Variants in NEK9 observed in about 807,000 individuals in gnomAD.
NEK9 encodes the protein NIMA related kinase 9, also known as serine/threonine-protein kinase Nek9.
A neutral mutation model predicts 123.4 loss-of-function variants in NEK9; 75 were observed. The observed-to-expected ratio is 0.61, with a 90% CI of 0.50 to 0.74. NEK9 has a LOEUF of 0.74. Ranked by LOEUF, NEK9 falls within the 30% of genes least tolerant of loss-of-function variation. The pLI, the probability that NEK9 is intolerant of heterozygous loss-of-function variation, is 0.00. For missense variants in NEK9, 952 were observed against 1,214.4 expected (o/e 0.78, Z 3.21); for synonymous variants, 438 against 458.7 (o/e 0.95, Z 0.58).
chr14:75,100,184 C>T (rs1314799229), intron 16 of NEK9, among the ~76,000 whole-genome samples: 4 of 132,620 alleles, frequency 3.0e-5, no homozygotes, highest in Non-Finnish European at 6.2e-5. Context: ...CAATGGCTCA[C>T]GCCTGTAATC....
rs964764380 is a variant in NEK9 at position 75,087,366 on chromosome 14, C to T, written c.2605-136G>A. ...TCATATATACACATGAATATATGTA[C>T]GAGAAACAGAAATGCTAGGATTATA... On this transcript the variant is annotated intron_variant, in intron 20 of 21. Transcript: ENST00000238616. The T allele has an allele frequency of 2.7e-5, 17 of 625,708 alleles. No homozygotes were observed. In the Admixed American group the frequency reaches 2.8e-4, roughly 10 times the overall value. The allele number at this position is 625,708 out of a possible 1,614,324, so 38.8% of individuals were successfully genotyped here. A position where few individuals can be genotyped will look rare whatever the true frequency, so the allele number is the denominator to read the frequency against.
At chr14:75,125,989 T>A (rs1594857261) in intron 1 of NEK9, among the ~76,000 whole-genome samples, 1 of 152,234 alleles carries the variant, frequency 6.6e-6, no homozygotes, top group African/African-American at 2.4e-5. Flanking sequence ...CTCCAAAGGA[T>A]GTGCATATGT....
At chr14:75,106,924 TATCAC>T (rs1894796882) in intron 11 of NEK9, among the ~76,000 whole-genome samples, 1 of 152,166 alleles carries the variant, frequency 6.6e-6, no homozygotes, top group Non-Finnish European at 1.5e-5. Context: ...GTGGTAGCAT[TATCAC>T]ATTAAAAGGA....
At chr14:75,088,407 G>A in intron 20 of NEK9, 73 bp downstream of exon 20, 1 of 1,483,946 alleles carries the variant, frequency 6.7e-7, no homozygotes, top group Non-Finnish European at 9.3e-7. Flanking sequence ...GCTAGAGCGA[G>A]GCCAGAAGAA....
At chr14:75,106,393 T>A in intron 12 of NEK9, 109 bp downstream of exon 12, 2 of 733,818 alleles carry the variant, frequency 2.7e-6, no homozygotes, top group Non-Finnish European at 4.6e-6. Flanking sequence ...AAAGATTTAC[T>A]GAATTAACAC....
intron 8 of NEK9, 103 bp from the exon 9 acceptor site, chr14:75,110,474 T>A: frequency 1.2e-6 from 1 of 840,746 alleles, no homozygotes; most frequent in Non-Finnish European, 1.9e-6. Flanking sequence ...TTATAAACTG[T>A]ATGCATCCTA....
At position 75,118,906 on chromosome 14, in the gene NEK9, G is replaced by A. The variant is rs1895228065; in HGVS notation, c.554C>T (p.Thr185Ile). The A allele has an allele frequency of 6.2e-7, 1 of 1,600,952 alleles. No individual in the cohort carries two copies. Reference protein sequence around the residue: ...RDIKTLNIFLTKANLIKLGDY... With the variant: ...RDIKTLNIFLIKANLIKLGDY... ...TCCAAGTTTTATCAGGTTTGCCTTG[G>A]TCAGAAAAATATTTAATGTCTTTAT... Residue 185 changes from threonine to isoleucine, a missense_variant, in exon 5 of 22, where the codon ACC becomes ATC. Around this residue, in one of 4 missense-constraint regions of NEK9, gnomAD observed 106 missense variants for 153.0 expected, o/e 0.69. Coordinates refer to ENST00000238616, the MANE Select transcript of NEK9 (RefSeq NM_033116.6).
intron 5 of NEK9, among the ~76,000 whole-genome samples, chr14:75,118,609 C>CA (rs754890730): frequency 6.6e-5 from 10 of 152,140 alleles, no homozygotes; most frequent in Non-Finnish European, 8.8e-5. Flanking sequence ...TTAGATAAGT[C>CA]CCTAATCAGT....
intron 20 of NEK9, among the ~76,000 whole-genome samples, chr14:75,088,120 G>A (rs1278883083): frequency 6.6e-6 from 1 of 152,212 alleles, no homozygotes; most frequent in Non-Finnish European, 1.5e-5. Context: ...AAGGTTAGGT[G>A]TACATGTGTT....
rs1894678597 is a variant in NEK9, at chr14:75,103,973, T to C, written c.1600A>G (p.Ile534Val). The change falls in exon 14 of 22, where the codon ATT becomes GTT. Residue 534 changes from isoleucine to valine, a missense_variant. Coordinates refer to ENST00000238616, the MANE Select transcript of NEK9 (RefSeq NM_033116.6). Reference sequence around the variant, plus strand: ...TCACAGCCACATTGAACTGCAACAATAATCAAGGCCTTGGGAACATCCACC... The same window carrying C: ...TCACAGCCACATTGAACTGCAACAACAATCAAGGCCTTGGGAACATCCACC... ...QKVDVPKALIIVAVQCGCDGT... is the reference protein window; with the variant it reads ...QKVDVPKALIVVAVQCGCDGT... 1.9e-6 allele frequency: 3 copies of C among 1,613,478 alleles called. No homozygotes were observed. The Admixed American group carries it at 5.0e-5, about 27-fold the overall frequency.
chr14:75,119,349 A>T (rs1443152967), intron 4 of NEK9, among the ~76,000 whole-genome samples: 1 of 152,154 alleles, frequency 6.6e-6, no homozygotes, highest in Non-Finnish European at 1.5e-5. Flanking sequence ...AAAGAGTGTT[A>T]CCATTGCTCA....
intron 4 of NEK9, 57 bp from the exon 5 acceptor site, chr14:75,118,992 C>A (rs1403245881): frequency 1.1e-6 from 1 of 948,896 alleles, no homozygotes; most frequent in Non-Finnish European, 1.7e-6. Context: ...TTATTTCATC[C>A]CCCGCCTTGC....
chr14:75,107,789 A>G (rs1162039673), intron 10 of NEK9, among the ~76,000 whole-genome samples: 3 of 152,228 alleles, frequency 2.0e-5, no homozygotes, highest in Non-Finnish European at 4.4e-5. Context: ...AAATGGGCAA[A>G]GGGATTAAAC....
chr14:75,106,361 GAAAAA>G (rs34426692), intron 12 of NEK9, 136 bp downstream of exon 12: 437 of 299,768 alleles, frequency 1.5e-3, no homozygotes, highest in East Asian at 2.2e-3. Context: ...TCTGTCTCGA[GAAAAA>G]AAAAAAAAAA....
At chr14:75,118,974 T>C (rs778537616) in intron 4 of NEK9, 39 bp from the exon 5 acceptor site, 4 of 1,126,366 alleles carry the variant, frequency 3.6e-6, no homozygotes, top group Admixed American at 1.7e-5. Flanking sequence ...TTCACACAGA[T>C]AATTGTTTTA....
chr14:75,118,701 T>C (rs926473001), intron 5 of NEK9, 129 bp downstream of exon 5: 2 of 633,006 alleles, frequency 3.2e-6, no homozygotes, highest in East Asian at 2.7e-5. Flanking sequence ...AAAAGACTTC[T>C]GAAGACATGC....
chr14:75,115,642 G>A (rs970626490), intron 6 of NEK9, among the ~76,000 whole-genome samples: 1 of 152,142 alleles, frequency 6.6e-6, no homozygotes, highest in Non-Finnish European at 1.5e-5. Context: ...AAGAGATGAA[G>A]TGATTTGCCT....
Position 75,109,774 on chromosome 14 carries a change from T to G in NEK9, c.1093A>C (p.Ile365Leu). The G allele has an allele frequency of 6.2e-7, 1 of 1,614,180 alleles. No individual in the cohort carries two copies. Among genetic ancestry groups the G allele is most frequent in the South Asian group, 1.1e-5 (1 of 91,076 alleles). Residue 365 changes from isoleucine (I) to leucine (L), a missense_variant, in exon 10 of 22, where the codon ATC becomes CTC. This residue lies in a region of NEK9 where 698 missense variants were observed against 875.6 expected (regional missense o/e 0.80). Transcript: ENST00000238616. The part of the protein sequence containing the change: ...GKSTPQKLDV[I>L]KSGCSARQVC... ...TGCCGGGCACTACAGCCACTCTTGA[T>G]AACATCCAGTTTCTGGGGGGTGGAT... is the stretch of plus-strand genomic sequence containing the variant.
chr14:75,110,301 A>G lies in NEK9; in HGVS notation c.989+20T>C. The stretch of plus-strand genomic sequence containing the variant: ...TGTAATTTCGGATATATTAGTTTTT[A>G]AGAGTCTCTTGAACATTACCTTGGT... On this transcript the variant is annotated intron_variant, in intron 9 of 21. Transcript: ENST00000238616. 1 of 1,594,714 alleles carries G rather than the reference A, an allele frequency of 6.3e-7. No individual in the cohort carries two copies. Among genetic ancestry groups the G allele is most frequent in the South Asian group, 1.1e-5 (1 of 89,658 alleles).
Sources: gnomAD v4.1 joint callset for allele counts (sites outside exome capture counted in the v4.1 genomes callset) on GRCh38, gnomAD v4.1.1 for gene constraint, gnomAD v4.1.1 regional missense constraint, MANE v1.5 for transcripts, NCBI Gene and HGNC (gene_info 2026-07-23, HGNC 2026-07-21) for gene names.